SLC47A2: variants seen among roughly 807,000 people sequenced by gnomAD.
SLC47A2 encodes solute carrier family 47 member 2.
Under a neutral mutation model 67.7 loss-of-function variants are expected in SLC47A2, and 52 were observed. The observed-to-expected ratio is 0.77, with a 90% CI of 0.61 to 0.97. The LOEUF (loss-of-function observed/expected upper bound fraction) is 0.97, where lower values mean the gene tolerates loss of function less well. Among genes scored for constraint, SLC47A2 ranks in the 50% least tolerant of loss-of-function variants. The pLI, the probability that SLC47A2 is intolerant of heterozygous loss-of-function variation, is 0.00. For synonymous variants in SLC47A2, 278 were observed against 292.9 expected (o/e 0.95, Z 0.52); for missense variants, 676 against 712.3 (o/e 0.95, Z 0.58).
At chr17:19,702,457 T>C (rs977771198) in intron 13 of SLC47A2, 148 bp downstream of exon 13, 2 of 1,445,998 alleles carry the variant, frequency 1.4e-6, no homozygotes, top group African/African-American at 2.8e-5. Flanking sequence ...GGAACTATTA[T>C]CAGCAAATAC....
intron 13 of SLC47A2, among the ~76,000 whole-genome samples, chr17:19,681,894 C>G (rs1049980137): frequency 5.3e-5 from 8 of 152,088 alleles, no homozygotes; most frequent in African/African-American, 1.4e-4. Flanking sequence ...TGAACACAAC[C>G]CTACAGTACT....
At chr17:19,715,449 C>T (rs766281191) in intron 1 of SLC47A2, among the ~76,000 whole-genome samples, 14 of 69,638 alleles carry the variant, frequency 2.0e-4, no homozygotes, top group South Asian at 4.8e-4. Context: ...CAGTGCCTGG[C>T]GCAGCGCAGT....
intron 13 of SLC47A2, among the ~76,000 whole-genome samples, chr17:19,692,519 C>T (rs973375911): frequency 1.1e-4 from 16 of 152,126 alleles, no homozygotes; most frequent in African/African-American, 3.4e-4. Flanking sequence ...TAGACCTATA[C>T]CAAGTAAATA....
At chr17:19,714,963 G>A (rs547730521) in intron 2 of SLC47A2, 153 bp downstream of exon 2, 3 of 1,230,894 alleles carry the variant, frequency 2.4e-6, no homozygotes, top group Non-Finnish European at 2.3e-6. Flanking sequence ...CTCCATCTCC[G>A]GCCCTCAGGT....
At chr17:19,687,632 G>T (rs1567617789) in intron 13 of SLC47A2, among the ~76,000 whole-genome samples, 1 of 151,898 alleles carries the variant, frequency 6.6e-6, no homozygotes, top group Non-Finnish European at 1.5e-5. Flanking sequence ...AAAGAGAAAA[G>T]ATCCAGATAA....
intron 5 of SLC47A2, among the ~76,000 whole-genome samples, chr17:19,710,601 C>T (rs1375245786): frequency 6.6e-5 from 10 of 151,760 alleles, no homozygotes; most frequent in East Asian, 1.9e-4. Flanking sequence ...TGCAGGCACC[C>T]GCCATCATGC....
At chr17:19,705,298 G>C in intron 10 of SLC47A2, 138 bp downstream of exon 10, 1 of 833,780 alleles carries the variant, frequency 1.2e-6, no homozygotes, top group Non-Finnish European at 1.9e-6. Flanking sequence ...GCAGGGTCTG[G>C]ACCTGGTGGG....
intron 10 of SLC47A2, chr17:19,704,686 GC>G: frequency 6.5e-7 from 1 of 1,550,102 alleles, no homozygotes; most frequent in South Asian, 1.2e-5. Context: ...CAAGACGATG[GC>G]TGTGTCTCTG....
At chr17:19,700,906 C>A (rs2085768615) in intron 13 of SLC47A2, among the ~76,000 whole-genome samples, 1 of 151,946 alleles carries the variant, frequency 6.6e-6, no homozygotes, top group African/African-American at 2.4e-5. Context: ...TGGCTCACAC[C>A]TGTAATCCCA....
At chr17:19,700,326 C>G (rs542862883) in intron 13 of SLC47A2, among the ~76,000 whole-genome samples, 79 of 152,176 alleles carry the variant, frequency 5.2e-4, no homozygotes, top group African/African-American at 1.7e-3. Context: ...AACCGACTAG[C>G]CAGGAGGAAA....
At chr17:19,693,785 G>A (rs1473853137) in intron 13 of SLC47A2, among the ~76,000 whole-genome samples, 1 of 152,052 alleles carries the variant, frequency 6.6e-6, no homozygotes, top group African/African-American at 2.4e-5. Context: ...GCGACAGAGC[G>A]AGACTCCGTC....
Position 19,678,885 on chromosome 17 carries a change from C to G in SLC47A2, c.1502G>C (p.Gly501Ala). Residue 501 changes from glycine (G) to alanine (A), a missense_variant, in exon 17 of 17, where the codon GGC becomes GCC. Physicochemically the swap from Gly to Ala is moderately conservative, Grantham distance 60 (BLOSUM62 0). Coordinates refer to ENST00000433844, the MANE Select transcript of SLC47A2 (RefSeq NM_001099646.3). ...CCTTGAATACGTTGTCAAGGTAATG[C>G]CAGGGGAACTGCCTGTAGCCACTGC... ...LSSVATGSSP[G>A]ITLTTYSRSE... 1 of 1,583,174 alleles carries G rather than the reference C, an allele frequency of 6.3e-7. No homozygotes were observed. The highest frequency in any genetic ancestry group is 8.6e-7 in the Non-Finnish European group (1 of 1,163,222).
intron 1 of SLC47A2, 119 bp downstream of exon 1, chr17:19,716,314 A>G: frequency 7.0e-7 from 1 of 1,430,976 alleles, no homozygotes; most frequent in Non-Finnish European, 9.3e-7. Flanking sequence ...CCTGGCAGTC[A>G]ACATGGGCAG....
At chr17:19,697,750 G>T (rs1177930844) in intron 13 of SLC47A2, among the ~76,000 whole-genome samples, 1 of 147,522 alleles carries the variant, frequency 6.8e-6, no homozygotes, top group Non-Finnish European at 1.5e-5. Context: ...ACTATGCCCA[G>T]CTTTTTTTTT....
chr17:19,715,040 G>A (rs2086213281), intron 2 of SLC47A2, 76 bp downstream of exon 2: 4 of 1,506,586 alleles, frequency 2.7e-6, no homozygotes, highest in East Asian at 4.5e-5. Flanking sequence ...AGCCACCCAA[G>A]ACGGGCCCAC....
At chr17:19,688,332 A>AT (rs1399880836) in intron 13 of SLC47A2, among the ~76,000 whole-genome samples, 2 of 151,998 alleles carry the variant, frequency 1.3e-5, no homozygotes, top group African/African-American at 2.4e-5. Context: ...AAAAAAAAAA[A>AT]CTCAAAAAAA....
intron 11 of SLC47A2, among the ~76,000 whole-genome samples, chr17:19,703,436 G>A (rs2085842315): frequency 6.6e-6 from 1 of 152,244 alleles, no homozygotes; most frequent in African/African-American, 2.4e-5. Flanking sequence ...GCATCACGTG[G>A]GAACTTGTTA....
At chr17:19,707,622 C>T (rs2085976030) in intron 8 of SLC47A2, 124 bp downstream of exon 8, 4 of 765,772 alleles carry the variant, frequency 5.2e-6, no homozygotes, top group Non-Finnish European at 8.3e-6. Context: ...GGGGGCCGTG[C>T]AGGGTCCTGC....
chr17:19,699,899 G>A (rs532575492), intron 13 of SLC47A2, among the ~76,000 whole-genome samples: 1 of 152,260 alleles, frequency 6.6e-6, no homozygotes, highest in African/African-American at 2.4e-5. Context: ...CTGATGAATG[G>A]ATAAACAAAG....
Sources: allele counts gnomAD v4.1 joint callset (sites outside exome capture counted in the v4.1 genomes callset), GRCh38; gene constraint gnomAD v4.1.1; transcripts MANE v1.5; gene names NCBI Gene and HGNC (gene_info 2026-07-23, HGNC 2026-07-21).